MCHR2: variants seen among roughly 807,000 people sequenced by gnomAD.
MCHR2 encodes melanin concentrating hormone receptor 2.
In MCHR2, 15 loss-of-function variants were observed where a neutral mutation model predicts 24.8. That is an observed-to-expected ratio of 0.60 (90% CI 0.40 to 0.93). MCHR2 has a LOEUF of 0.93. MCHR2 is among the 40% of genes least tolerant of loss of function. MCHR2 has a pLI of 0.00. For synonymous variants in MCHR2, 151 were observed against 147.6 expected (o/e 1.02, Z -0.17); for missense variants, 386 against 408.7 (o/e 0.94, Z 0.48).
At chr6:99,984,822 A>G (rs1268891590) in intron 1 of MCHR2, among the ~76,000 whole-genome samples, 2 of 152,138 alleles carry the variant, frequency 1.3e-5, no homozygotes, top group African/African-American at 4.8e-5. Context: ...TGAAAGTCCT[A>G]GCTGGGGCAA....
rs1774163710 is a variant in MCHR2 at position 99,918,536 on chromosome 6, T to G, written c.*2404A>C. 6.6e-6 allele frequency among the ~76,000 whole-genome samples: 1 copy of G among 152,180 alleles called. No individual in the cohort carries two copies. Among genetic ancestry groups the G allele is most frequent in the Admixed American group, 6.5e-5 (1 of 15,282 alleles). On this transcript the variant is annotated 3_prime_UTR_variant, in exon 6 of 6. Transcript: ENST00000281806. ...ATAAGCAATTTTTACTCATTCATTTTTATTAATTGAGATCAAAGTTTAAAT... is the reference window on the plus strand; with the variant it reads ...ATAAGCAATTTTTACTCATTCATTTGTATTAATTGAGATCAAAGTTTAAAT...
intron 5 of MCHR2, among the ~76,000 whole-genome samples, chr6:99,931,682 C>A (rs916304722): frequency 1.3e-5 from 2 of 152,144 alleles, no homozygotes; most frequent in African/African-American, 2.4e-5. Flanking sequence ...TCTCCTAAGC[C>A]CGTCGGAAAA....
intron 1 of MCHR2, among the ~76,000 whole-genome samples, chr6:99,959,699 C>T (rs1456006868): frequency 2.1e-5 from 3 of 145,756 alleles, no homozygotes; most frequent in Non-Finnish European, 3.0e-5. Context: ...AGAAATGCAA[C>T]AATTGAAATG....
chr6:99,974,831 T>A (rs972402731), intron 1 of MCHR2, among the ~76,000 whole-genome samples: 2 of 152,240 alleles, frequency 1.3e-5, no homozygotes, highest in Non-Finnish European at 2.9e-5. Context: ...CTCCAGATGC[T>A]GTTTGCCTGG....
At chr6:99,972,047 C>T (rs13201397) in intron 1 of MCHR2, among the ~76,000 whole-genome samples, 1 of 152,126 alleles carries the variant, frequency 6.6e-6, no homozygotes, top group Non-Finnish European at 1.5e-5. Context: ...CTCTGCCAGG[C>T]TTTGGTATCA....
At chr6:99,930,804 A>G (rs1774504896) in intron 5 of MCHR2, among the ~76,000 whole-genome samples, 1 of 152,092 alleles carries the variant, frequency 6.6e-6, no homozygotes, top group Non-Finnish European at 1.5e-5. Flanking sequence ...TGTAGCTCAG[A>G]GCAGTTTGAT....
intron 3 of MCHR2, among the ~76,000 whole-genome samples, chr6:99,945,110 G>A (rs867260467): frequency 3.3e-5 from 5 of 152,062 alleles, no homozygotes; most frequent in African/African-American, 7.2e-5. Flanking sequence ...GTGTATGATC[G>A]CTATGTGGAA....
At chr6:99,930,000 T>C (rs530087031) in intron 5 of MCHR2, among the ~76,000 whole-genome samples, 4 of 150,410 alleles carry the variant, frequency 2.7e-5, no homozygotes, top group Admixed American at 6.7e-5. Flanking sequence ...CCATGTTTAG[T>C]GCTTCCTTCA....
At chr6:99,975,439 TG>T (rs1349423859) in intron 1 of MCHR2, among the ~76,000 whole-genome samples, 3 of 152,172 alleles carry the variant, frequency 2.0e-5, no homozygotes, top group African/African-American at 7.2e-5. Flanking sequence ...AGTATTAGGG[TG>T]GGGGTGACCC....
At chr6:99,941,293 T>C (rs563523742) in intron 4 of MCHR2, among the ~76,000 whole-genome samples, 3 of 141,396 alleles carry the variant, frequency 2.1e-5, no homozygotes, top group Non-Finnish European at 4.6e-5. Flanking sequence ...CTCATCCACA[T>C]ATTTGAGTTC....
At position 99,918,796 on chromosome 6, in the gene MCHR2, C is replaced by G. The variant is rs1774167785; in HGVS notation, c.*2144G>C. Among the ~76,000 whole-genome samples the G allele has an allele frequency of 6.6e-6, 1 of 151,996 alleles. No individual in the cohort carries two copies. The highest frequency in any genetic ancestry group is 1.5e-5 in the Non-Finnish European group (1 of 68,016). ...GGACAAAAATAAATTTATTAATCAC[C>G]CTTTTTATTTTCTACTTTGATTAAA... On this transcript the variant is annotated 3_prime_UTR_variant, in exon 6 of 6. Coordinates refer to ENST00000281806, the MANE Select transcript of MCHR2 (RefSeq NM_001040179.2).
intron 5 of MCHR2, among the ~76,000 whole-genome samples, chr6:99,929,267 C>A (rs980771497): frequency 1.3e-5 from 2 of 151,946 alleles, no homozygotes; most frequent in Non-Finnish European, 1.5e-5. Flanking sequence ...AGTATGTGGT[C>A]AATTTTGGAA....
At chr6:99,928,807 C>A (rs965191779) in intron 5 of MCHR2, among the ~76,000 whole-genome samples, 2 of 152,018 alleles carry the variant, frequency 1.3e-5, no homozygotes, top group African/African-American at 4.8e-5. Flanking sequence ...TTAATTAATT[C>A]TTTGAAGGGT....
intron 2 of MCHR2, among the ~76,000 whole-genome samples, chr6:99,954,868 A>G (rs1407642640): frequency 6.6e-6 from 1 of 152,188 alleles, no homozygotes; most frequent in South Asian, 2.1e-4. Flanking sequence ...AAAATATTAC[A>G]TAAAATTACT....
At chr6:99,960,143 T>C (rs975230410) in intron 1 of MCHR2, among the ~76,000 whole-genome samples, 1 of 152,066 alleles carries the variant, frequency 6.6e-6, no homozygotes, top group Non-Finnish European at 1.5e-5. Flanking sequence ...GTGGATTTCT[T>C]AGCAGAAACC....
chr6:99,954,057 G>T (rs1413015210), intron 2 of MCHR2, among the ~76,000 whole-genome samples: 1 of 152,084 alleles, frequency 6.6e-6, no homozygotes, highest in African/African-American at 2.4e-5. Flanking sequence ...GGCTCCTCTT[G>T]CTCTCAGTTA....
At chr6:99,934,615 T>G in intron 4 of MCHR2, 98 bp from the exon 5 acceptor site, 2 of 1,150,058 alleles carry the variant, frequency 1.7e-6, no homozygotes, top group South Asian at 2.1e-5. Flanking sequence ...GCATAATTCT[T>G]TCATTTTTCA....
intron 1 of MCHR2, among the ~76,000 whole-genome samples, chr6:99,983,362 A>G (rs767491927): frequency 3.3e-5 from 5 of 152,186 alleles, no homozygotes; most frequent in Non-Finnish European, 7.4e-5. Context: ...GGATGTCACA[A>G]GTAGAATTAG....
chr6:99,974,033 G>A (rs1775495303), intron 1 of MCHR2, among the ~76,000 whole-genome samples: 1 of 152,206 alleles, frequency 6.6e-6, no homozygotes, highest in South Asian at 2.1e-4. Flanking sequence ...TGACAATTAT[G>A]TGTCTTGGAG....
Sources: gnomAD v4.1 joint callset for allele counts (sites outside exome capture counted in the v4.1 genomes callset) on GRCh38, gnomAD v4.1.1 for gene constraint, MANE v1.5 for transcripts, NCBI Gene and HGNC (gene_info 2026-07-23, HGNC 2026-07-21) for gene names.